Variants in GRIA4 observed in about 807,000 individuals in gnomAD.
The protein encoded by GRIA4 is glutamate ionotropic receptor AMPA type subunit 4, also known as glutamate receptor 4.
A neutral mutation model predicts 104.0 loss-of-function variants in GRIA4; 34 were observed. The observed-to-expected ratio is 0.33, with a 90% CI of 0.25 to 0.44. GRIA4 has a LOEUF of 0.44. GRIA4 is among the 20% of genes least tolerant of loss of function. GRIA4 has a pLI of 1.00. For missense variants in GRIA4, 750 were observed against 1,096.5 expected (o/e 0.68, Z 4.46); for synonymous variants, 386 against 381.9 (o/e 1.01, Z -0.13).
chr11:105,866,932 T>C (rs918452327), intron 5 of GRIA4, among the ~76,000 whole-genome samples: 12 of 151,840 alleles, frequency 7.9e-5, no homozygotes, highest in Non-Finnish European at 1.2e-4. Flanking sequence ...GACCTTAGAG[T>C]ATGAAGTAGG....
chr11:105,616,425 A>G (rs568505723), intron 3 of GRIA4, among the ~76,000 whole-genome samples: 3 of 151,894 alleles, frequency 2.0e-5, no homozygotes, highest in Non-Finnish European at 3.0e-5. Flanking sequence ...GTATACGTAA[A>G]ATAGAGTTGT....
In GRIA4 at chr11:105,922,073, T is replaced by C. The variant is rs906002414; in HGVS notation, c.1477-2326T>C. Among the ~76,000 whole-genome samples, 7 of 151,918 alleles carry C rather than the reference T, an allele frequency of 4.6e-5. No homozygotes were observed. In the South Asian group the frequency reaches 1.0e-3, roughly 22 times the overall value. Reference sequence around the variant, plus strand: ...AACAATTGATGATTAGGGAAAAAAATTGCAACATATATGGGAAATAAAAGT... The same window carrying C: ...AACAATTGATGATTAGGGAAAAAAACTGCAACATATATGGGAAATAAAAGT... On this transcript the variant is annotated intron_variant, in intron 11 of 16. Transcript: ENST00000282499.
At chr11:105,626,567 G>A (rs946552519) in intron 3 of GRIA4, among the ~76,000 whole-genome samples, 3 of 152,084 alleles carry the variant, frequency 2.0e-5, no homozygotes, top group African/African-American at 7.2e-5. Flanking sequence ...TTGAAATTGT[G>A]AATCATTTGA....
At chr11:105,784,481 A>C (rs760865105) in intron 4 of GRIA4, among the ~76,000 whole-genome samples, 1 of 152,220 alleles carries the variant, frequency 6.6e-6, no homozygotes, top group Non-Finnish European at 1.5e-5. Flanking sequence ...CCGTGAGTGC[A>C]GGAGTCTGGC....
At chr11:105,640,866 T>C (rs1951340059) in intron 3 of GRIA4, among the ~76,000 whole-genome samples, 1 of 152,052 alleles carries the variant, frequency 6.6e-6, no homozygotes, top group Non-Finnish European at 1.5e-5. Context: ...TTAATATGTT[T>C]CTCAATATTC....
intron 3 of GRIA4, among the ~76,000 whole-genome samples, chr11:105,695,482 GT>G (rs2135506652): frequency 8.2e-6 from 1 of 121,472 alleles, no homozygotes; most frequent in East Asian, 2.8e-4. Context: ...GTGTGTCTGT[GT>G]GTGTGTGTGT....
At chr11:105,714,813 GT>G (rs1401021167) in intron 3 of GRIA4, among the ~76,000 whole-genome samples, 1 of 152,006 alleles carries the variant, frequency 6.6e-6, no homozygotes, top group Non-Finnish European at 1.5e-5. Context: ...AAGAGTGTGT[GT>G]GTGTGTTCGT....
chr11:105,634,509 GAAAGAAGAAAGAAAGAAAGA>G (rs751023836), intron 3 of GRIA4, among the ~76,000 whole-genome samples: 4,759 of 63,474 alleles, frequency 0.075, 121 homozygotes, highest in Non-Finnish European at 0.13. Flanking sequence ...AAGAAAGAAA[GAAAGAAGAAAGAAAGAAAGA>G]AAAGAAAGAA....
intron 14 of GRIA4, chr11:105,965,992 C>T: frequency 6.2e-7 from 1 of 1,613,572 alleles, no homozygotes; most frequent in Non-Finnish European, 8.5e-7. Flanking sequence ...AACAAGGCCT[C>T]TTGGACAAAT....
Position 105,971,768 on chromosome 11 carries a change from T to C in GRIA4, c.2295-146T>C, listed in dbSNP as rs929403812. 6.2e-6 allele frequency: 3 copies of C among 481,998 alleles called. No individual in the cohort carries two copies. The East Asian group carries it at 1.1e-4, about 17-fold the overall frequency. The allele number at this position is 481,998 out of a possible 1,614,324, so 29.9% of individuals were successfully genotyped here. A position where few individuals can be genotyped will look rare whatever the true frequency, so the allele number is the denominator to read the frequency against. ...ATGGAGCAGGCCCCAGTTTTATGTC[T>C]GATTCTAAACCTGGGCCTACAGTAC... On this transcript the variant is annotated intron_variant, in intron 14 of 16. Transcript: ENST00000282499.
At chr11:105,954,253 A>G (rs1397349785) in intron 14 of GRIA4, among the ~76,000 whole-genome samples, 2 of 152,232 alleles carry the variant, frequency 1.3e-5, no homozygotes, top group Non-Finnish European at 2.9e-5. Flanking sequence ...GAGGAACAAT[A>G]AATGTTTTTC....
At chr11:105,728,092 G>C (rs1156710478) in intron 3 of GRIA4, among the ~76,000 whole-genome samples, 1 of 152,052 alleles carries the variant, frequency 6.6e-6, no homozygotes, top group East Asian at 1.9e-4. Flanking sequence ...AAACTGGATA[G>C]AATCAAGACC....
chr11:105,681,208 G>A (rs932542689), intron 3 of GRIA4, among the ~76,000 whole-genome samples: 3 of 152,166 alleles, frequency 2.0e-5, no homozygotes, highest in East Asian at 1.9e-4. Flanking sequence ...GAGATGTTGC[G>A]GGAGAAAACA....
intron 14 of GRIA4, among the ~76,000 whole-genome samples, chr11:105,971,490 A>G (rs1049384834): frequency 6.6e-6 from 1 of 152,200 alleles, no homozygotes; most frequent in Non-Finnish European, 1.5e-5. Context: ...AAGCTGAATC[A>G]TAATGCATGC....
rs550603255 is a variant in GRIA4, at chr11:105,746,124, T to TTG, written c.248-6843_248-6842dup. 6.1e-3 allele frequency among the ~76,000 whole-genome samples: 924 copies of TTG among 150,754 alleles called. 9 individuals are homozygous for TTG. Among genetic ancestry groups the TTG allele is most frequent in the East Asian group, 0.054 (280 of 5,170 alleles). On this transcript the variant is annotated intron_variant, in intron 3 of 16. Coordinates refer to ENST00000282499, the MANE Select transcript of GRIA4 (RefSeq NM_000829.4). ...TAATTATATATGTGTGTTTGCATGC[T>TTG]TGTGTGTGTGTGTGTATTGTAGGTA...
chr11:105,931,131 A>G (rs1298044988), intron 13 of GRIA4, among the ~76,000 whole-genome samples: 4 of 152,166 alleles, frequency 2.6e-5, no homozygotes, highest in African/African-American at 9.7e-5. Context: ...AAGCATGGCA[A>G]CATGGCATTC....
chr11:105,635,052 T>G (rs948230084), intron 3 of GRIA4, among the ~76,000 whole-genome samples: 3 of 152,168 alleles, frequency 2.0e-5, no homozygotes, highest in African/African-American at 7.2e-5. Context: ...ACTAATAAAT[T>G]CGGTGATACA....
intron 3 of GRIA4, among the ~76,000 whole-genome samples, chr11:105,656,926 A>G (rs906126169): frequency 6.6e-6 from 1 of 152,082 alleles, no homozygotes; most frequent in Non-Finnish European, 1.5e-5. Context: ...ATAATGAACC[A>G]GAGAAAATAA....
chr11:105,710,057 GCATA>G (rs1953856165), intron 3 of GRIA4, among the ~76,000 whole-genome samples: 1 of 152,114 alleles, frequency 6.6e-6, no homozygotes, highest in African/African-American at 2.4e-5. Flanking sequence ...CAAGCATGTA[GCATA>G]TCCTTAGTGA....
Sources: gnomAD v4.1 joint callset for allele counts (sites outside exome capture counted in the v4.1 genomes callset) on GRCh38, gnomAD v4.1.1 for gene constraint, MANE v1.5 for transcripts, NCBI Gene and HGNC (gene_info 2026-07-23, HGNC 2026-07-21) for gene names.